SERPINB12: variants seen among roughly 807,000 people sequenced by gnomAD.
SERPINB12 encodes the protein serpin family B member 12.
Under a neutral mutation model 41.1 loss-of-function variants are expected in SERPINB12, and 57 were observed. The ratio of observed to expected loss-of-function variants is 1.39; its 90% CI spans 1.12 to 1.73. The LOEUF (loss-of-function observed/expected upper bound fraction) is 1.73. Among genes scored for constraint, SERPINB12 ranks in the 40% most tolerant of loss-of-function variants. SERPINB12 has a pLI of 0.00. For synonymous variants in SERPINB12, 180 were observed against 181.3 expected (o/e 0.99, Z 0.06); for missense variants, 536 against 501.9 (o/e 1.07, Z -0.65).
intron 1 of SERPINB12, among the ~76,000 whole-genome samples, chr18:63,543,258 A>G (rs1258149397): frequency 6.6e-6 from 1 of 152,230 alleles, no homozygotes; most frequent in African/African-American, 2.4e-5. Context: ...CTCCTATTGC[A>G]TGAGGCATCA....
intron 5 of SERPINB12, among the ~76,000 whole-genome samples, chr18:63,561,476 T>G (rs568394365): frequency 6.6e-6 from 1 of 152,178 alleles, no homozygotes; most frequent in Non-Finnish European, 1.5e-5. Flanking sequence ...TTGTGGAAAG[T>G]AGTTTGGAAA....
intron 2 of SERPINB12, among the ~76,000 whole-genome samples, chr18:63,557,472 CAT>C (rs1910717497): frequency 6.6e-6 from 1 of 152,176 alleles, no homozygotes; most frequent in African/African-American, 2.4e-5. Context: ...GGATGTAGCA[CAT>C]AGTGCGGGGG....
chr18:63,533,976 A>G, the SERPINB12 span, among the ~76,000 whole-genome samples: 25 of 152,334 alleles, frequency 1.6e-4, no homozygotes, highest in South Asian at 3.9e-3. Context: ...CAGAGAACAA[A>G]TCTGTTTTGT....
chr18:63,556,831 C>G (rs780346013), intron 2 of SERPINB12, among the ~76,000 whole-genome samples: 7 of 152,186 alleles, frequency 4.6e-5, no homozygotes, highest in Non-Finnish European at 8.8e-5. Flanking sequence ...TGAAAGATAT[C>G]CATAATCCAG....
In SERPINB12 at chr18:63,568,372, C is replaced by T. The variant is rs1014356893; in HGVS notation, c.*1361C>T. Among the ~76,000 whole-genome samples, 1 of 152,066 alleles carries T rather than the reference C, an allele frequency of 6.6e-6. No homozygotes were observed. Among genetic ancestry groups the T allele is most frequent in the African/African-American group, 2.4e-5 (1 of 41,386 alleles). On this transcript the variant is annotated 3_prime_UTR_variant, in exon 8 of 8. Coordinates refer to ENST00000382768, the MANE Select transcript of SERPINB12 (RefSeq NM_001307928.2). Reference sequence around the variant, plus strand: ...CTCCAGCCTGGGTGACAGAGCGAAACCCTGTCTCAAAAAACAAACAAACAA... The same window carrying T: ...CTCCAGCCTGGGTGACAGAGCGAAATCCTGTCTCAAAAAACAAACAAACAA...
At chr18:63,543,068 A>G (rs1485725988) in intron 1 of SERPINB12, among the ~76,000 whole-genome samples, 1 of 152,166 alleles carries the variant, frequency 6.6e-6, no homozygotes, top group Non-Finnish European at 1.5e-5. Context: ...TATGATTATG[A>G]GCAACTTAAG....
intron 7 of SERPINB12, 46 bp downstream of exon 7, chr18:63,565,658 C>T: frequency 6.5e-7 from 1 of 1,536,026 alleles, no homozygotes; most frequent in Non-Finnish European, 8.9e-7. Context: ...AATGATAGAT[C>T]TTTAGAGAAC....
intron 6 of SERPINB12, among the ~76,000 whole-genome samples, chr18:63,564,904 A>C (rs1911041387): frequency 6.6e-6 from 1 of 152,212 alleles, no homozygotes; most frequent in South Asian, 2.1e-4. Context: ...TGATTAAAAA[A>C]CATGGAAAGG....
chr18:63,528,004 C>A, the SERPINB12 span, among the ~76,000 whole-genome samples: 4 of 152,226 alleles, frequency 2.6e-5, no homozygotes, highest in Non-Finnish European at 5.9e-5. Flanking sequence ...CAAGCTCACT[C>A]TTTGCCTATT....
intron 7 of SERPINB12, among the ~76,000 whole-genome samples, chr18:63,566,196 A>G (rs1406384974): frequency 6.6e-6 from 1 of 152,254 alleles, no homozygotes; most frequent in African/African-American, 2.4e-5. Context: ...AACAACCATT[A>G]TTCAGAATTT....
chr18:63,534,562 G>A, the SERPINB12 span, among the ~76,000 whole-genome samples: 1 of 152,222 alleles, frequency 6.6e-6, no homozygotes, highest in African/African-American at 2.4e-5. Flanking sequence ...TGATTTCTGA[G>A]GCTTTAATCT....
At chr18:63,528,397 A>AATAT in the SERPINB12 span, among the ~76,000 whole-genome samples, 2 of 146,626 alleles carry the variant, frequency 1.4e-5, no homozygotes, top group Non-Finnish European at 3.1e-5. Flanking sequence ...GAGAGCAATA[A>AATAT]ATAAATAAAT....
In SERPINB12 at chr18:63,561,104, T is replaced by C; in HGVS notation, c.464T>C (p.Ile155Thr). 1.2e-6 allele frequency: 2 copies of C among 1,610,456 alleles called. No homozygotes were observed. Among genetic ancestry groups the C allele is most frequent in the Non-Finnish European group, 1.7e-6 (2 of 1,176,898 alleles). ...GAACAGGAATACTTAGATGGTGTGA[T>C]TCAATTTTACCACACGACGATTGAA... ...PICQEYLDGV[I>T]QFYHTTIESV... Residue 155 changes from isoleucine to threonine, a missense_variant, in exon 5 of 8, where the codon ATT becomes ACT. Ile to Thr is a moderately conservative substitution (Grantham distance 89). Transcript: ENST00000382768.
chr18:63,540,213 C>T (rs147011426), upstream of SERPINB12, among the ~76,000 whole-genome samples: 44 of 152,254 alleles, frequency 2.9e-4, no homozygotes, highest in African/African-American at 8.7e-4. Context: ...TTTCTTTCCT[C>T]TCCTGAAGAG....
the SERPINB12 span, among the ~76,000 whole-genome samples, chr18:63,520,238 A>C: frequency 1.8e-4 from 28 of 152,164 alleles, no homozygotes; most frequent in Admixed American, 1.8e-3. Flanking sequence ...TTAATTGTGG[A>C]GCACACAGAG....
chr18:63,552,797 A>AC (rs1265193075), intron 1 of SERPINB12, among the ~76,000 whole-genome samples: 1 of 152,002 alleles, frequency 6.6e-6, no homozygotes, highest in East Asian at 1.9e-4. Flanking sequence ...AAACTGACTC[A>AC]CCCCCACCCC....
rs2144354125 is a variant in SERPINB12 at position 63,565,518 on chromosome 18, C to A, written c.779C>A (p.Ala260Glu). 2 of 1,613,884 alleles carry A rather than the reference C, an allele frequency of 1.2e-6. No individual in the cohort carries two copies. Among genetic ancestry groups the A allele is most frequent in the East Asian group, 4.5e-5 (2 of 44,876 alleles). ...YRIGFIEEVK[A>E]QILEMRYTKG... ...ATTGGCTTCATAGAGGAGGTGAAGG[C>A]ACAGATCCTGGAAATGAGGTACACC... The change falls in exon 7 of 8, where the codon GCA (alanine) becomes GAA (glutamate). Residue 260 changes from alanine (A) to glutamate (E), a missense_variant. Coordinates refer to ENST00000382768, the MANE Select transcript of SERPINB12 (RefSeq NM_001307928.2).
chr18:63,556,604 A>G (rs960256992), intron 2 of SERPINB12, among the ~76,000 whole-genome samples: 5 of 152,074 alleles, frequency 3.3e-5, no homozygotes, highest in African/African-American at 1.2e-4. Flanking sequence ...TTATCTCTGT[A>G]TGCATGTCTG....
chr18:63,550,830 T>G (rs1238187923), intron 1 of SERPINB12, among the ~76,000 whole-genome samples: 1 of 152,158 alleles, frequency 6.6e-6, no homozygotes, highest in Admixed American at 6.5e-5. Context: ...GACTTTTGTG[T>G]TTTGGGAGAC....
Sources: gnomAD v4.1 joint callset for allele counts (sites outside exome capture counted in the v4.1 genomes callset) on GRCh38, gnomAD v4.1.1 for gene constraint, MANE v1.5 for transcripts, NCBI Gene and HGNC (gene_info 2026-07-23, HGNC 2026-07-21) for gene names.